The following SLC24A5 variants were observed in gnomAD, a reference collection of about 807,000 sequenced individuals.
The protein encoded by SLC24A5 is sodium/potassium/calcium exchanger 5.
A neutral mutation model predicts 51.6 loss-of-function variants in SLC24A5; 46 were observed. That is an observed-to-expected ratio of 0.89 (90% CI 0.70 to 1.14). SLC24A5 has a LOEUF of 1.14. Among genes scored for constraint, SLC24A5 ranks in the 50% most tolerant of loss-of-function variants. SLC24A5 has a pLI of 0.00. For synonymous variants in SLC24A5, 230 were observed against 214.9 expected, an observed-to-expected ratio of 1.07 and a Z score of -0.62; for missense variants, 581 against 604.1, an observed-to-expected ratio of 0.96 and a Z score of 0.40.
chr15:48,139,080 AG>A lies in SLC24A5; in HGVS notation c.984del (p.Lys328AsnfsTer8), dbSNP rs1429179640. On this transcript the variant is annotated frameshift_variant, in exon 7 of 9. Transcript: ENST00000341459. LOFTEE classifies it high-confidence loss of function. The part of the protein sequence containing the change: ...LFLTTPDCRK[K>X]FWKNYFVITF... ...CTAACCACACCAGATTGTAGAAAAA[AG>A]TTTTGGAAAAACTACTTTGTGATAA... 6.2e-7 allele frequency: 1 copy of A among 1,613,028 alleles called. No individual in the cohort carries two copies. The highest frequency in any genetic ancestry group is 1.3e-5 in the African/African-American group (1 of 74,908).
intron 2 of SLC24A5, among the ~76,000 whole-genome samples, chr15:48,127,536 A>G (rs1033171093): frequency 2.6e-5 from 4 of 152,246 alleles, no homozygotes; most frequent in Admixed American, 6.5e-5. Context: ...TATTCTGTTT[A>G]GGCCAGGAGC....
chr15:48,121,951 T>G lies in SLC24A5; in HGVS notation c.216T>G (p.Tyr72Ter), dbSNP rs142056637. The change falls in exon 2 of 9, where the codon TAT (tyrosine) becomes TAG (stop). Residue 72 changes from tyrosine (Y) to a stop codon, truncating the protein, a stop_gained. Transcript: ENST00000341459. LOFTEE classifies it high-confidence loss of function. ...QERRDGGIII[Y>*]FLIIVYMFMA... ...GCAGAGATGGAGGCATCATAATCTA[T>G]TTCCTAATTATCGTTTACATGTTCA... 56 of 1,614,046 alleles carry G rather than the reference T, an allele frequency of 3.5e-5. No individual in the cohort carries two copies. Among genetic ancestry groups the G allele is most frequent in the Non-Finnish European group, 4.4e-5 (52 of 1,179,970 alleles).
chr15:48,131,909 T>G (rs2038793938), intron 2 of SLC24A5, among the ~76,000 whole-genome samples: 1 of 152,228 alleles, frequency 6.6e-6, no homozygotes, highest in Admixed American at 6.5e-5. Flanking sequence ...ATAGCTTGGA[T>G]TAGGGCTGGT....
chr15:48,122,321 T>C (rs2038688250), intron 2 of SLC24A5: 1 of 562,668 alleles, frequency 1.8e-6, no homozygotes, highest in Non-Finnish European at 3.1e-6. Flanking sequence ...TTATAAGAAC[T>C]GTTCCAAGAT....
rs948628703 is a variant in SLC24A5 at position 48,134,691 on chromosome 15, T to A, written c.489+153T>A. On this transcript the variant is annotated intron_variant, in intron 4 of 8. Coordinates refer to ENST00000341459, the MANE Select transcript of SLC24A5 (RefSeq NM_205850.3). ...CAACATGTATTCAATTTAATGTTAA[T>A]CCACAAATAGCTCTTGGTCAGATTT... 5.6e-6 allele frequency: 4 copies of A among 716,686 alleles called. No homozygotes were observed. In the African/African-American group the frequency reaches 7.2e-5, roughly 13 times the overall value. 44.4% of individuals were successfully genotyped at this position (716,686 alleles called of 1,614,324 possible).
At position 48,141,167 on chromosome 15, in the gene SLC24A5, G is replaced by A. The variant is rs1286678075; in HGVS notation, c.1133G>A (p.Gly378Glu). ...ATGGGCCTTACTTTATTAGCAGCAG[G>A]AACAAGCATACCAGACACAATTGCA... ...TVMGLTLLAA[G>E]TSIPDTIASV... Residue 378 changes from glycine to glutamate, a missense_variant, in exon 8 of 9, where the codon GGA becomes GAA. By Grantham distance (98) the Gly-to-Glu change is moderately conservative. Coordinates refer to ENST00000341459, the MANE Select transcript of SLC24A5 (RefSeq NM_205850.3). 3.7e-6 allele frequency: 6 copies of A among 1,613,898 alleles called. No homozygotes were observed. Among genetic ancestry groups the A allele is most frequent in the South Asian group, 1.1e-5 (1 of 91,068 alleles).
intron 2 of SLC24A5, among the ~76,000 whole-genome samples, chr15:48,128,256 G>A (rs866940303): frequency 6.6e-6 from 1 of 151,844 alleles, no homozygotes; most frequent in Non-Finnish European, 1.5e-5. Context: ...ATTCCACAGT[G>A]AGCCAGCTAT....
At chr15:48,128,152 C>T (rs575037544) in intron 2 of SLC24A5, among the ~76,000 whole-genome samples, 7 of 151,806 alleles carry the variant, frequency 4.6e-5, no homozygotes, top group Non-Finnish European at 7.4e-5. Context: ...AGGTATTGAA[C>T]CACTGTTCTG....
chr15:48,142,371 C>A lies in SLC24A5; in HGVS notation c.*20C>A. On this transcript the variant is annotated 3_prime_UTR_variant, in exon 9 of 9. Coordinates refer to ENST00000341459, the MANE Select transcript of SLC24A5 (RefSeq NM_205850.3). ...GGTTGATATTATTAATAGTGTTATG[C>A]AGAAAATATGAATGGCAGGGAGGGG... 2 of 1,463,916 alleles carry A rather than the reference C, an allele frequency of 1.4e-6. No individual in the cohort carries two copies. Among genetic ancestry groups the A allele is most frequent in the Non-Finnish European group, 1.8e-6 (2 of 1,083,502 alleles). 90.7% of individuals were successfully genotyped at this position (1,463,916 alleles called of 1,614,324 possible). A position where few individuals can be genotyped will look rare whatever the true frequency, so the allele number is the denominator to read the frequency against.
chr15:48,132,739 G>T (rs1379053799), intron 2 of SLC24A5, among the ~76,000 whole-genome samples: 3 of 151,970 alleles, frequency 2.0e-5, no homozygotes, highest in Non-Finnish European at 2.9e-5. Context: ...AAAATCTGGG[G>T]ACTGAAACAG....
rs1368272763 is a variant in SLC24A5, at chr15:48,141,221, A to ACTTTTCTTACCTTTTGAG, written c.1180+9_1180+10insTTTCTTACCTTTTGAGCT. ...GTGTTGGTTGCAAGAAAAGGTAAGA[A>ACTTTTCTTACCTTTTGAG]CTAGGTCCCTCAAGCTGCAATGGTC... On this transcript the variant is annotated splice_region_variant and intron_variant, in intron 8 of 8. Coordinates refer to ENST00000341459, the MANE Select transcript of SLC24A5 (RefSeq NM_205850.3). 1 of 1,597,864 alleles carries ACTTTTCTTACCTTTTGAG rather than the reference A, an allele frequency of 6.3e-7. No homozygotes were observed. The highest frequency in any genetic ancestry group is 1.1e-5 in the South Asian group (1 of 90,734).
intron 2 of SLC24A5, among the ~76,000 whole-genome samples, chr15:48,130,867 G>T (rs1271959045): frequency 5.9e-5 from 9 of 152,056 alleles, no homozygotes; most frequent in African/African-American, 2.2e-4. Context: ...ATGTTCTAAT[G>T]GGCCTAAGTG....
At chr15:48,125,030 C>A (rs2038716592) in intron 2 of SLC24A5, among the ~76,000 whole-genome samples, 1 of 152,106 alleles carries the variant, frequency 6.6e-6, no homozygotes, top group Non-Finnish European at 1.5e-5. Flanking sequence ...AACAATTTTC[C>A]TGAAATTTCT....
At position 48,136,752 on chromosome 15, in the gene SLC24A5, T is replaced by A. The variant is rs2038909894; in HGVS notation, c.660T>A (p.Ile220=). Residue 220 remains isoleucine (I), a synonymous_variant, in exon 6 of 9, where the codon ATT becomes ATA. Coordinates refer to ENST00000341459, the MANE Select transcript of SLC24A5 (RefSeq NM_205850.3). ...TGGTGCTGTGTTTTGACATTAAAATTAACCAATATATTATAAAGAAATGCA... is the reference window on the plus strand; with the variant it reads ...TGGTGCTGTGTTTTGACATTAAAATAAACCAATATATTATAAAGAAATGCA... ...YVLVLCFDIK[I]NQYIIKKCSP... 14 of 1,613,580 alleles carry A rather than the reference T, an allele frequency of 8.7e-6. No homozygotes were observed. Among genetic ancestry groups the A allele is most frequent in the Non-Finnish European group, 1.0e-5 (12 of 1,179,758 alleles).
Position 48,141,133 on chromosome 15 carries a change from G to C in SLC24A5, c.1099G>C (p.Asp367His). The C allele has an allele frequency of 1.2e-6, 2 of 1,613,234 alleles. No homozygotes were observed. The highest frequency in any genetic ancestry group is 1.7e-4 in the Middle Eastern group (1 of 6,056). ...TITGETLEIP[D>H]TVMGLTLLAA... Reference sequence around the variant, plus strand: ...TACAGGGGAAACACTAGAAATTCCCGATACAGTAATGGGCCTTACTTTATT... The same window carrying C: ...TACAGGGGAAACACTAGAAATTCCCCATACAGTAATGGGCCTTACTTTATT... Residue 367 changes from aspartate to histidine, a missense_variant, in exon 8 of 9, where the codon GAT becomes CAT. Transcript: ENST00000341459.
chr15:48,130,484 G>GA (rs1427970397), intron 2 of SLC24A5, among the ~76,000 whole-genome samples: 9 of 152,252 alleles, frequency 5.9e-5, no homozygotes, highest in African/African-American at 1.9e-4. Context: ...TTTTGGGACT[G>GA]AAACTTTTCT....
chr15:48,128,648 A>G (rs1771892510), intron 2 of SLC24A5, among the ~76,000 whole-genome samples: 1 of 152,188 alleles, frequency 6.6e-6, no homozygotes, highest in African/African-American at 2.4e-5. Context: ...CAAAAGCTTT[A>G]CTAAAGAACA....
At chr15:48,134,601 T>C in intron 4 of SLC24A5, 63 bp downstream of exon 4, 1 of 1,315,254 alleles carries the variant, frequency 7.6e-7, no homozygotes, top group Admixed American at 1.8e-5. Flanking sequence ...TAACTGTTCG[T>C]CGTCTGGGAT....
At chr15:48,121,220 C>A in intron 1 of SLC24A5, 55 bp downstream of exon 1, 2 of 1,536,590 alleles carry the variant, frequency 1.3e-6, no homozygotes, top group Non-Finnish European at 1.8e-6. Context: ...GCTGCTGCTA[C>A]CACATACAGA....
Sources: allele counts gnomAD v4.1 joint callset (sites outside exome capture counted in the v4.1 genomes callset), GRCh38; gene constraint gnomAD v4.1.1; transcripts MANE v1.5; gene names NCBI Gene and HGNC (gene_info 2026-07-23, HGNC 2026-07-21).